Variants in MYD88 observed in about 807,000 individuals in gnomAD.
MYD88 encodes the protein myeloid differentiation primary response protein MyD88.
A neutral mutation model predicts 31.1 loss-of-function variants in MYD88; 15 were observed. The observed-to-expected ratio is 0.48, with a 90% confidence interval of 0.32 to 0.74. The LOEUF is 0.74. Among genes scored for constraint, MYD88 ranks in the 30% least tolerant of loss-of-function variants. MYD88 has a pLI of 0.03. For synonymous variants in MYD88, 157 were observed against 158.8 expected (o/e 0.99, Z 0.08); for missense variants, 308 against 387.4 (o/e 0.79, Z 1.72).
At position 38,139,019 on chromosome 3, in the gene MYD88, C is replaced by G. The variant is rs1302767997; in HGVS notation, c.319C>G (p.Pro107Ala). 1 of 1,604,010 alleles carries G rather than the reference C, an allele frequency of 6.2e-7. No individual in the cohort carries two copies. The highest frequency in any genetic ancestry group is 1.7e-4 in the Middle Eastern group (1 of 6,056). Residue 107 changes from proline to alanine, a missense_variant, in exon 1 of 5, where the codon CCC (proline) becomes GCC (alanine). Physicochemically the swap from Pro to Ala is conservative, Grantham distance 27. Transcript: ENST00000650905. This position sits in a 1 kb window ranked among gnomAD's most constrained non-coding sequence, Gnocchi z 4.7. ...CGACGACGTGCTGCTGGAGCTGGGA[C>G]CCAGCATTGGTGAGGACGTCCCCTT... ...GRDDVLLELG[P>A]SIEEDCQKYI...
chr3:38,141,370 G>A lies in MYD88; in HGVS notation c.*84G>A. 4 of 1,568,312 alleles carry A rather than the reference G, an allele frequency of 2.6e-6. No homozygotes were observed. The South Asian group carries it at 4.4e-5, about 17-fold the overall frequency. On this transcript the variant is annotated 3_prime_UTR_variant, in exon 5 of 5. Transcript: ENST00000650905. ...CCTGCCTCCTCCTTTCGTTGTAGGA[G>A]GAATCTGTGCTCTACTTACCTCTCA...
At chr3:38,140,279 C>T in intron 2 of MYD88, 109 bp from the exon 3 acceptor site, 6 of 1,280,150 alleles carry the variant, frequency 4.7e-6, no homozygotes, top group Non-Finnish European at 6.6e-6. Context: ...GGAGTATCAT[C>T]TTGGGAAGGG....
chr3:38,139,577 G>C lies in MYD88; in HGVS notation c.329-287G>C. 4.1e-6 allele frequency: 2 copies of C among 492,364 alleles called. No individual in the cohort carries two copies. The highest frequency in any genetic ancestry group is 7.4e-6 in the Non-Finnish European group (2 of 269,386). The allele number at this position is 492,364 out of a possible 1,614,324, so 30.5% of individuals were successfully genotyped here. ...TCTGCCCTGGATCCCAGAAGAAGCA[G>C]ACCTACCTTGGTACCATTCTTAGGA... On this transcript the variant is annotated intron_variant, in intron 1 of 4. Transcript: ENST00000650905. This position sits in a 1 kb window ranked among gnomAD's most constrained non-coding sequence, Gnocchi z 4.7.
chr3:38,140,056 A>G, intron 2 of MYD88, 58 bp downstream of exon 2: 1 of 1,600,322 alleles, frequency 6.2e-7, no homozygotes, highest in Non-Finnish European at 8.5e-7. Context: ...TGGTGTTAAG[A>G]GCATGGGTGT....
Position 38,142,761 on chromosome 3 carries a change from G to C in MYD88, c.*1475G>C. 1 of 233,254 alleles carries C rather than the reference G, an allele frequency of 4.3e-6. No individual in the cohort carries two copies. Among genetic ancestry groups the C allele is most frequent in the Non-Finnish European group, 8.5e-6 (1 of 118,074 alleles). The allele number at this position is 233,254 out of a possible 1,614,324, so 14.4% of individuals were successfully genotyped here. A position where few individuals can be genotyped will look rare whatever the true frequency, so the allele number is the denominator to read the frequency against. ...TCCACTTTCAGCCAGGCTGGAGCAAGGTACCTTTTCTTAGGATCTTGGGAG... is the reference window on the plus strand; with the variant it reads ...TCCACTTTCAGCCAGGCTGGAGCAACGTACCTTTTCTTAGGATCTTGGGAG... On this transcript the variant is annotated 3_prime_UTR_variant, in exon 5 of 5. Transcript: ENST00000650905.
Position 38,139,196 on chromosome 3 carries a change from G to GAC in MYD88, c.328+168_328+169insAC, listed in dbSNP as rs1559483967. On this transcript the variant is annotated intron_variant, in intron 1 of 4. Coordinates refer to ENST00000650905, the MANE Select transcript of MYD88 (RefSeq NM_002468.5). The surrounding 1 kb of genome is among the most constrained non-coding windows in gnomAD (Gnocchi z 4.7). ...TCCCGTTCCTTCTTAATAACCGGTC[G>GAC]CGGTTATTAAGAAGGACTGGAGAAA... 1.8e-5 allele frequency: 17 copies of GAC among 960,490 alleles called. No homozygotes were observed. The highest frequency in any genetic ancestry group is 7.1e-5 in the South Asian group (4 of 56,584). The allele number at this position is 960,490 out of a possible 1,614,324, so 59.5% of individuals were successfully genotyped here.
chr3:38,138,931 C>G lies in MYD88; in HGVS notation c.231C>G (p.Ala77=), dbSNP rs2125775874. 1.2e-6 allele frequency: 2 copies of G among 1,611,962 alleles called. No homozygotes were observed. The highest frequency in any genetic ancestry group is 1.7e-6 in the Non-Finnish European group (2 of 1,180,008). ...ACCCCACTGGCAGGCTGCTGGACGCCTGGCAGGGACGCCCTGGCGCCTCTG... is the reference window on the plus strand; with the variant it reads ...ACCCCACTGGCAGGCTGCTGGACGCGTGGCAGGGACGCCCTGGCGCCTCTG... The part of the protein sequence containing the change: ...QADPTGRLLD[A]WQGRPGASVG... The change falls in exon 1 of 5, where the codon GCC becomes GCG. Residue 77 remains alanine, a synonymous_variant. Transcript: ENST00000650905. The surrounding 1 kb of genome is among the most constrained non-coding windows in gnomAD (Gnocchi z 6.4).
Position 38,140,413 on chromosome 3 carries a change from C to T in MYD88, c.489C>T (p.Ala163=), listed in dbSNP as rs1490236446. 2 of 1,614,104 alleles carry T rather than the reference C, an allele frequency of 1.2e-6. No individual in the cohort carries two copies. Among genetic ancestry groups the T allele is most frequent in the African/African-American group, 2.7e-5 (2 of 74,928 alleles). Residue 163 remains alanine (A), a synonymous_variant, in exon 3 of 5, where the codon GCC becomes GCT. Coordinates refer to ENST00000650905, the MANE Select transcript of MYD88 (RefSeq NM_002468.5). ...GGCATATGCCTGAGCGTTTCGATGC[C>T]TTCATCTGCTATTGCCCCAGCGACA... The part of the protein sequence containing the change: ...PLGHMPERFD[A]FICYCPSDIQ...
At chr3:38,140,732 C>T (rs2125779331) in intron 3 of MYD88, 25 bp from the exon 4 acceptor site, 1 of 1,611,780 alleles carries the variant, frequency 6.2e-7, no homozygotes, top group Non-Finnish European at 8.5e-7. Context: ...GCCACAGGAC[C>T]TGCAGCCTGC....
Position 38,141,615 on chromosome 3 carries a change from T to C in MYD88, c.*329T>C, listed in dbSNP as rs1701084503. ...ACCCTCAGTTTCCTCACTTGAGGAG[T>C]GGGATGGGGAGAACAGAGAGTAGCT... On this transcript the variant is annotated 3_prime_UTR_variant, in exon 5 of 5. Transcript: ENST00000650905. The C allele has an allele frequency of 4.3e-6, 2 of 469,626 alleles. No individual in the cohort carries two copies. The highest frequency in any genetic ancestry group is 7.6e-5 in the East Asian group (2 of 26,410). 29.1% of individuals were successfully genotyped at this position (469,626 alleles called of 1,614,324 possible). A position where few individuals can be genotyped will look rare whatever the true frequency, so the allele number is the denominator to read the frequency against.
At chr3:38,140,172 T>A in intron 2 of MYD88, 174 bp downstream of exon 2, 2 of 974,352 alleles carry the variant, frequency 2.1e-6, no homozygotes, top group Non-Finnish European at 3.1e-6. Context: ...TGGATTGCTG[T>A]GAGATGCTCA....
chr3:38,138,762 C>T lies in MYD88; in HGVS notation c.62C>T (p.Pro21Leu), dbSNP rs563686976. Reference sequence around the variant, plus strand: ...CCGGTCTCCTCCACATCCTCCCTTCCCCTGGCTGCTCTCAACATGCGAGTG... The same window carrying T: ...CCGGTCTCCTCCACATCCTCCCTTCTCCTGGCTGCTCTCAACATGCGAGTG... The part of the protein sequence containing the change: ...AAPVSSTSSL[P>L]LAALNMRVRR... The change falls in exon 1 of 5, where the codon CCC becomes CTC. Residue 21 changes from proline (P) to leucine (L), a missense_variant. Transcript: ENST00000650905. The surrounding 1 kb of genome is among the most constrained non-coding windows in gnomAD (Gnocchi z 6.4). 6.2e-7 allele frequency: 1 copy of T among 1,612,824 alleles called. No homozygotes were observed. Among genetic ancestry groups the T allele is most frequent in the African/African-American group, 1.3e-5 (1 of 75,068 alleles).
intron 2 of MYD88, 25 bp from the exon 3 acceptor site, chr3:38,140,363 C>A (rs1032908875): frequency 6.2e-7 from 1 of 1,613,286 alleles, no homozygotes; most frequent in African/African-American, 1.3e-5. Flanking sequence ...GAGCTCTGAC[C>A]ACCACCCTTG....
Position 38,139,278 on chromosome 3 carries a change from G to T in MYD88, c.328+250G>T. On this transcript the variant is annotated intron_variant, in intron 1 of 4. Coordinates refer to ENST00000650905, the MANE Select transcript of MYD88 (RefSeq NM_002468.5). The surrounding 1 kb of genome is among the most constrained non-coding windows in gnomAD (Gnocchi z 4.7). Reference sequence around the variant, plus strand: ...GCTTAGGCAGAGGCTTTCAGGTAGGGCCAGGAGTCAGAATCAGGCTTCTGT... The same window carrying T: ...GCTTAGGCAGAGGCTTTCAGGTAGGTCCAGGAGTCAGAATCAGGCTTCTGT... The T allele has an allele frequency of 1.7e-6, 1 of 584,848 alleles. No homozygotes were observed. Among genetic ancestry groups the T allele is most frequent in the South Asian group, 2.2e-5 (1 of 46,128 alleles). 36.2% of individuals were successfully genotyped at this position (584,848 alleles called of 1,614,324 possible). A position where few individuals can be genotyped will look rare whatever the true frequency, so the allele number is the denominator to read the frequency against.
In MYD88 at chr3:38,140,443, G is replaced by C. The variant is rs149937710; in HGVS notation, c.519G>C (p.Gln173His). Residue 173 changes from glutamine to histidine, a missense_variant, in exon 3 of 5, where the codon CAG becomes CAC. Gln to His is a conservative substitution (Grantham distance 24). Coordinates refer to ENST00000650905, the MANE Select transcript of MYD88 (RefSeq NM_002468.5). ...AFICYCPSDI[Q>H]FVQEMIRQLE... ...TCTGCTATTGCCCCAGCGACATCCAGTTTGTGCAGGAGATGATCCGGCAAC... is the reference window on the plus strand; with the variant it reads ...TCTGCTATTGCCCCAGCGACATCCACTTTGTGCAGGAGATGATCCGGCAAC... The C allele has an allele frequency of 1.2e-6, 2 of 1,614,246 alleles. No individual in the cohort carries two copies. Among genetic ancestry groups the C allele is most frequent in the Non-Finnish European group, 1.7e-6 (2 of 1,180,044 alleles).
Position 38,139,679 on chromosome 3 carries a change from G to T in MYD88, c.329-185G>T. On this transcript the variant is annotated intron_variant, in intron 1 of 4. Transcript: ENST00000650905. This position sits in a 1 kb window ranked among gnomAD's most constrained non-coding sequence, Gnocchi z 4.7. ...GCCAGAACACCACTGACATCCCTTT[G>T]GGTCAGTTAGAGCCAGTGGGAGCTC... 1.4e-6 allele frequency: 1 copy of T among 699,992 alleles called. No homozygotes were observed. The highest frequency in any genetic ancestry group is 2.3e-5 in the Admixed American group (1 of 44,072). 43.4% of individuals were successfully genotyped at this position (699,992 alleles called of 1,614,324 possible).
Position 38,139,575 on chromosome 3 carries a change from C to T in MYD88, c.329-289C>T, listed in dbSNP as rs1016388536. 1.2e-5 allele frequency: 6 copies of T among 488,028 alleles called. No individual in the cohort carries two copies. The highest frequency in any genetic ancestry group is 5.8e-4 in the Middle Eastern group (1 of 1,732). The allele number at this position is 488,028 out of a possible 1,614,324, so 30.2% of individuals were successfully genotyped here. On this transcript the variant is annotated intron_variant, in intron 1 of 4. Coordinates refer to ENST00000650905, the MANE Select transcript of MYD88 (RefSeq NM_002468.5). This position sits in a 1 kb window ranked among gnomAD's most constrained non-coding sequence, Gnocchi z 4.7. Reference sequence around the variant, plus strand: ...CATCTGCCCTGGATCCCAGAAGAAGCAGACCTACCTTGGTACCATTCTTAG... The same window carrying T: ...CATCTGCCCTGGATCCCAGAAGAAGTAGACCTACCTTGGTACCATTCTTAG...
chr3:38,140,664 G>A, intron 3 of MYD88, 93 bp from the exon 4 acceptor site: 5 of 1,601,604 alleles, frequency 3.1e-6, no homozygotes, highest in Non-Finnish European at 4.3e-6. Context: ...GCACTGTCCA[G>A]CCTGGGCACA....
In MYD88 at chr3:38,138,981, C is replaced by T. The variant is rs1199614746; in HGVS notation, c.281C>T (p.Thr94Ile). The change falls in exon 1 of 5, where the codon ACC (threonine) becomes ATC (isoleucine). Residue 94 changes from threonine (T) to isoleucine (I), a missense_variant. Physicochemically the swap from Thr to Ile is moderately conservative, Grantham distance 89. Transcript: ENST00000650905. This position sits in a 1 kb window ranked among gnomAD's most constrained non-coding sequence, Gnocchi z 6.4. ...ASVGRLLELL[T>I]KLGRDDVLLE... ...GTAGGCCGACTGCTCGAGCTGCTTACCAAGCTGGGCCGCGACGACGTGCTG... is the reference window on the plus strand; with the variant it reads ...GTAGGCCGACTGCTCGAGCTGCTTATCAAGCTGGGCCGCGACGACGTGCTG... The T allele has an allele frequency of 1.2e-6, 2 of 1,607,724 alleles. No individual in the cohort carries two copies. The highest frequency in any genetic ancestry group is 2.7e-5 in the African/African-American group (2 of 74,930).
Sources: gnomAD v4.1 joint callset for allele counts on GRCh38, gnomAD v4.1.1 for gene constraint, Gnocchi (gnomAD v3.1) non-coding constraint, MANE v1.5 for transcripts, NCBI Gene and HGNC (gene_info 2026-07-23, HGNC 2026-07-21) for gene names.